PCDH15: variants seen among roughly 807,000 people sequenced by gnomAD.
The protein encoded by PCDH15 is protocadherin related 15.
In PCDH15, 129 loss-of-function variants were observed where a neutral mutation model predicts 178.5. The observed-to-expected ratio is 0.72, with a 90% confidence interval of 0.63 to 0.84. PCDH15 has a LOEUF of 0.84. Among genes scored for constraint, PCDH15 ranks in the 40% least tolerant of loss-of-function variants. PCDH15 has a pLI of 0.00. For synonymous variants in PCDH15, 800 were observed against 732.0 expected, an observed-to-expected ratio of 1.09 and a Z score of -1.50; for missense variants, 2,230 against 2,099.9, an observed-to-expected ratio of 1.06 and a Z score of -1.21.
intron 8 of PCDH15, among the ~76,000 whole-genome samples, chr10:54,246,730 T>C (rs909998803): frequency 8.6e-5 from 13 of 151,960 alleles, no homozygotes; most frequent in Non-Finnish European, 4.4e-5. Flanking sequence ...TACATTCTGA[T>C]AGGCTAGATT....
chr10:54,406,891 TAG>T (rs1952750900), intron 3 of PCDH15, among the ~76,000 whole-genome samples: 1 of 152,080 alleles, frequency 6.6e-6, no homozygotes, highest in Middle Eastern at 3.4e-3. Flanking sequence ...TTTAATATAT[TAG>T]AGTTTCTTAA....
chr10:54,828,488 T>C (rs1467534218), intron 3 of PCDH15, among the ~76,000 whole-genome samples: 1 of 49,098 alleles, frequency 2.0e-5, no homozygotes, highest in Non-Finnish European at 4.2e-5. Context: ...TATATGTATG[T>C]GTATGTGTAT....
intron 2 of PCDH15, among the ~76,000 whole-genome samples, chr10:54,916,553 G>T (rs766037015): frequency 2.3e-4 from 35 of 151,906 alleles, no homozygotes; most frequent in Admixed American, 4.6e-4. Context: ...CATTTTTAAA[G>T]TTTCTATTTT....
chr10:54,347,902 G>A (rs9415303), intron 5 of PCDH15, among the ~76,000 whole-genome samples: 7,002 of 152,056 alleles, frequency 0.046, 527 homozygotes, highest in African/African-American at 0.16. Context: ...AGGCTGGAGT[G>A]CAGTGGCACG....
chr10:54,333,587 G>A (rs1940351758), intron 6 of PCDH15, among the ~76,000 whole-genome samples: 2 of 146,248 alleles, frequency 1.4e-5, no homozygotes, highest in Non-Finnish European at 1.5e-5. Flanking sequence ...GCTAAATTAA[G>A]CAAGGGAAAA....
At position 54,766,792 on chromosome 10, in the gene PCDH15, G is replaced by C. The variant is rs930180669; in HGVS notation, c.-29+34133C>G. Among the ~76,000 whole-genome samples, 3 of 152,054 alleles carry C rather than the reference G, an allele frequency of 2.0e-5. No homozygotes were observed. The South Asian group carries it at 6.2e-4, about 32-fold the overall frequency. On this transcript the variant is annotated intron_variant, in intron 1 of 37. Transcript: ENST00000644397. ...AAAATACAAAAAATTAGCCAGGCGCGGTGGCAGGCGCCTGTAAGTCCCAGC... is the reference window on the plus strand; with the variant it reads ...AAAATACAAAAAATTAGCCAGGCGCCGTGGCAGGCGCCTGTAAGTCCCAGC...
chr10:54,183,561 C>G lies in PCDH15; in HGVS notation c.1473G>C (p.Glu491Asp). Residue 491 changes from glutamate (E) to aspartate (D), a missense_variant, in exon 13 of 38, where the codon GAG (glutamate) becomes GAC (aspartate). Transcript: ENST00000644397. The part of the protein sequence containing the change: ...ITAFDGVQES[E>D]PVIVNIQVMD... The stretch of plus-strand genomic sequence containing the variant: ...TCACTTGAATATTGACGATGACTGG[C>G]TCACTTTCTTGTACACCATCAAATG... 6.2e-7 allele frequency: 1 copy of G among 1,613,968 alleles called. No homozygotes were observed.
At chr10:55,103,606 A>G (rs1437341151) in intron 2 of PCDH15, among the ~76,000 whole-genome samples, 1 of 152,166 alleles carries the variant, frequency 6.6e-6, no homozygotes, top group Non-Finnish European at 1.5e-5. Flanking sequence ...TTCTATAGCA[A>G]TGATGGCATC....
At chr10:55,051,419 AGTTT>A (rs1439231349) in intron 2 of PCDH15, among the ~76,000 whole-genome samples, 1 of 152,124 alleles carries the variant, frequency 6.6e-6, no homozygotes, top group Non-Finnish European at 1.5e-5. Flanking sequence ...CATTTCTATT[AGTTT>A]GTTTTAAAAT....
intron 3 of PCDH15, among the ~76,000 whole-genome samples, chr10:54,849,430 G>A (rs558403595): frequency 6.6e-6 from 1 of 152,050 alleles, no homozygotes; most frequent in Non-Finnish European, 1.5e-5. Flanking sequence ...GAATAAATGC[G>A]AAGCTTTAAT....
At chr10:55,334,240 A>ATT (rs1174973055) in intron 2 of PCDH15, among the ~76,000 whole-genome samples, 1 of 88,628 alleles carries the variant, frequency 1.1e-5, no homozygotes, top group African/African-American at 6.4e-5. Flanking sequence ...ATATATATAT[A>ATT]TATGTGTGTG....
At chr10:54,177,283 G>C (rs917189855) in intron 13 of PCDH15, among the ~76,000 whole-genome samples, 1 of 152,094 alleles carries the variant, frequency 6.6e-6, no homozygotes, top group South Asian at 2.1e-4. Flanking sequence ...AGCAAGCAAG[G>C]GGGAGGGAAG....
At chr10:54,032,411 C>T (rs913359021) in intron 18 of PCDH15, among the ~76,000 whole-genome samples, 3 of 151,864 alleles carry the variant, frequency 2.0e-5, no homozygotes, top group Middle Eastern at 3.2e-3. Context: ...TTATATCATA[C>T]AATGCCTGCT....
intron 2 of PCDH15, among the ~76,000 whole-genome samples, chr10:54,652,101 T>C (rs2094276480): frequency 6.6e-6 from 1 of 152,112 alleles, no homozygotes; most frequent in East Asian, 1.9e-4. Flanking sequence ...AGATAGAAAA[T>C]GACATATTCC....
intron 3 of PCDH15, among the ~76,000 whole-genome samples, chr10:54,806,869 C>T (rs1952786296): frequency 6.6e-6 from 1 of 152,142 alleles, no homozygotes; most frequent in African/African-American, 2.4e-5. Context: ...TGCCACATGA[C>T]CTCTTAATAA....
chr10:54,171,945 C>A (rs1323897366), intron 13 of PCDH15, among the ~76,000 whole-genome samples: 1 of 150,888 alleles, frequency 6.6e-6, no homozygotes, highest in Non-Finnish European at 1.5e-5. Flanking sequence ...TTGAAGCAGC[C>A]CTGAGAAACA....
At chr10:54,243,206 C>T (rs1244216121) in intron 8 of PCDH15, among the ~76,000 whole-genome samples, 1 of 152,102 alleles carries the variant, frequency 6.6e-6, no homozygotes, top group Non-Finnish European at 1.5e-5. Flanking sequence ...CTTCCTTTAA[C>T]AACAGAAAAT....
At chr10:54,667,910 C>G (rs996340000) in intron 1 of PCDH15, among the ~76,000 whole-genome samples, 2 of 151,984 alleles carry the variant, frequency 1.3e-5, no homozygotes, top group African/African-American at 4.8e-5. Context: ...TGTCAAAATA[C>G]TGGGGAAAAG....
chr10:55,144,294 T>C (rs934807363), intron 2 of PCDH15, among the ~76,000 whole-genome samples: 3 of 151,702 alleles, frequency 2.0e-5, no homozygotes, highest in Admixed American at 6.6e-5. Context: ...CACTGTGACA[T>C]ACATTATGTG....
Sources: gnomAD v4.1 joint callset for allele counts (sites outside exome capture counted in the v4.1 genomes callset) on GRCh38, gnomAD v4.1.1 for gene constraint, MANE v1.5 for transcripts, NCBI Gene and HGNC (gene_info 2026-07-23, HGNC 2026-07-21) for gene names.